Variants in NFYC observed in about 807,000 individuals in gnomAD.
NFYC encodes the protein nuclear transcription factor Y subunit gamma.
A neutral mutation model predicts 53.1 loss-of-function variants in NFYC; 25 were observed. The ratio of observed to expected loss-of-function variants is 0.47; its 90% confidence interval spans 0.34 to 0.66. The LOEUF is 0.66. NFYC is among the 30% of genes least tolerant of loss of function. The pLI, the probability that NFYC is intolerant of heterozygous loss-of-function variation, is 0.01. For missense variants in NFYC, 260 were observed against 422.7 expected (o/e 0.62, Z 3.38); for synonymous variants, 145 against 152.6 (o/e 0.95, Z 0.37).
chr1:40,739,795 G>C (rs1008365291), intron 2 of NFYC, among the ~76,000 whole-genome samples: 1 of 152,180 alleles, frequency 6.6e-6, no homozygotes, highest in Non-Finnish European at 1.5e-5. Flanking sequence ...ATTCTTTCTG[G>C]TTGAGTTTAA....
Position 40,770,312 on chromosome 1 carries a change from T to TG in NFYC, c.889-396dup. On this transcript the variant is annotated intron_variant, in intron 9 of 9. Transcript: ENST00000447388. This position sits in a 1 kb window ranked among gnomAD's most constrained non-coding sequence, Gnocchi z 5.3. Reference sequence around the variant, plus strand: ...GAGGAGGGGGTAATCCTACTGCCCCTGCCAGTGTAGATTACCAAGAGTTGG... The same window carrying TG: ...GAGGAGGGGGTAATCCTACTGCCCCTGGCCAGTGTAGATTACCAAGAGTTGG... 7.7e-7 allele frequency: 1 copy of TG among 1,300,602 alleles called. No homozygotes were observed. The highest frequency in any genetic ancestry group is 2.5e-5 in the East Asian group (1 of 39,430). 80.6% of individuals were successfully genotyped at this position (1,300,602 alleles called of 1,614,324 possible).
chr1:40,737,211 A>G (rs1241028643), intron 1 of NFYC, among the ~76,000 whole-genome samples: 1 of 151,776 alleles, frequency 6.6e-6, no homozygotes, highest in Non-Finnish European at 1.5e-5. Context: ...GGGATACTCA[A>G]CCTGTGTTAT....
chr1:40,720,092 A>T (rs1486660527), intron 1 of NFYC, among the ~76,000 whole-genome samples: 1 of 152,048 alleles, frequency 6.6e-6, no homozygotes, highest in Non-Finnish European at 1.5e-5. Flanking sequence ...AAGTTAAGAG[A>T]TTTATGGTTT....
At position 40,738,915 on chromosome 1, in the gene NFYC, T is replaced by G; in HGVS notation, c.72T>G (p.Pro24=). 1 of 1,613,992 alleles carries G rather than the reference T, an allele frequency of 6.2e-7. No individual in the cohort carries two copies. Among genetic ancestry groups the G allele is most frequent in the Non-Finnish European group, 8.5e-7 (1 of 1,179,854 alleles). Residue 24 remains proline (P), a synonymous_variant, in exon 2 of 10, where the codon CCT becomes CCG. Coordinates refer to ENST00000447388, the MANE Select transcript of NFYC (RefSeq NM_014223.5). The part of the protein sequence containing the change: ...DAQQSLQSFW[P]RVMEEIRNLT... Reference sequence around the variant, plus strand: ...AGCAAAGCCTACAGTCGTTCTGGCCTCGGGTCATGGAAGAAATCCGGAATT... The same window carrying G: ...AGCAAAGCCTACAGTCGTTCTGGCCGCGGGTCATGGAAGAAATCCGGAATT...
chr1:40,730,849 CTAG>C (rs1471292832), intron 1 of NFYC, among the ~76,000 whole-genome samples: 1 of 152,182 alleles, frequency 6.6e-6, no homozygotes, highest in Non-Finnish European at 1.5e-5. Context: ...GATGGTTCAA[CTAG>C]TAGTACAGAG....
At chr1:40,758,098 C>T (rs765106410) in intron 5 of NFYC, 23 bp from the exon 6 acceptor site, 1 of 1,611,430 alleles carries the variant, frequency 6.2e-7, no homozygotes, top group Non-Finnish European at 8.5e-7. Flanking sequence ...TTCCTCTTAC[C>T]TGCCTCTCTT....
chr1:40,726,859 C>T (rs902732417), intron 1 of NFYC, among the ~76,000 whole-genome samples: 1 of 152,212 alleles, frequency 6.6e-6, no homozygotes, highest in Admixed American at 6.5e-5. Flanking sequence ...AGTTTGTCCT[C>T]TCAAATCCTG....
intron 1 of NFYC, among the ~76,000 whole-genome samples, chr1:40,704,651 A>G (rs1643608457): frequency 6.6e-6 from 1 of 152,238 alleles, no homozygotes; most frequent in Non-Finnish European, 1.5e-5. Context: ...GCAAACTGCC[A>G]AGAAGTAATA....
intron 1 of NFYC, among the ~76,000 whole-genome samples, chr1:40,720,269 AT>A (rs1438667484): frequency 1.3e-5 from 2 of 152,206 alleles, no homozygotes; most frequent in Non-Finnish European, 2.9e-5. Flanking sequence ...TCATATTGAC[AT>A]TATTATAACG....
intron 7 of NFYC, among the ~76,000 whole-genome samples, chr1:40,763,933 C>A (rs1288653529): frequency 6.6e-6 from 1 of 152,220 alleles, no homozygotes; most frequent in Non-Finnish European, 1.5e-5. Context: ...GCCATAAATA[C>A]ACTTGTTGCA....
intron 6 of NFYC, among the ~76,000 whole-genome samples, chr1:40,760,090 G>A (rs1214850253): frequency 6.6e-6 from 1 of 152,182 alleles, no homozygotes; most frequent in Non-Finnish European, 1.5e-5. Context: ...CGAGGAGCTG[G>A]GACTCCCAGG....
In NFYC at chr1:40,770,536, C is replaced by T; in HGVS notation, c.889-173C>T. The T allele has an allele frequency of 1.3e-6, 2 of 1,569,604 alleles. No individual in the cohort carries two copies. Among genetic ancestry groups the T allele is most frequent in the South Asian group, 1.2e-5 (1 of 86,154 alleles). ...CCCCCCTCACACCGGGCTGGTGCCT[C>T]CTGTGTCTGCTGCTCCCAACCCCAG... is the stretch of plus-strand genomic sequence containing the variant. On this transcript the variant is annotated intron_variant, in intron 9 of 9. Transcript: ENST00000447388. The surrounding 1 kb of genome is among the most constrained non-coding windows in gnomAD (Gnocchi z 5.3).
intron 2 of NFYC, among the ~76,000 whole-genome samples, chr1:40,741,166 C>A (rs1645322188): frequency 6.6e-6 from 1 of 152,192 alleles, no homozygotes; most frequent in Non-Finnish European, 1.5e-5. Context: ...CCCCTACTTA[C>A]AATGATTCAA....
intron 1 of NFYC, among the ~76,000 whole-genome samples, chr1:40,718,402 C>T (rs1275630860): frequency 6.6e-6 from 1 of 152,206 alleles, no homozygotes; most frequent in South Asian, 2.1e-4. Flanking sequence ...TCTTCGGGGA[C>T]TAATTCTTCC....
At chr1:40,705,159 G>C (rs1643635320) in intron 1 of NFYC, among the ~76,000 whole-genome samples, 1 of 152,248 alleles carries the variant, frequency 6.6e-6, no homozygotes, top group Non-Finnish European at 1.5e-5. Context: ...GGTTAGTACA[G>C]TGTCATATAA....
At chr1:40,738,505 A>G (rs536309214) in intron 1 of NFYC, among the ~76,000 whole-genome samples, 11 of 152,348 alleles carry the variant, frequency 7.2e-5, no homozygotes, top group African/African-American at 2.6e-4. Flanking sequence ...TAGGGCAACA[A>G]AGTACTTTCC....
At chr1:40,732,223 G>A (rs558706051) in intron 1 of NFYC, among the ~76,000 whole-genome samples, 2 of 152,326 alleles carry the variant, frequency 1.3e-5, no homozygotes, top group East Asian at 3.9e-4. Context: ...TTGGTATAGA[G>A]AATGAAGTAC....
At chr1:40,721,392 CAG>C (rs1318098572) in intron 1 of NFYC, among the ~76,000 whole-genome samples, 1 of 152,126 alleles carries the variant, frequency 6.6e-6, no homozygotes, top group Non-Finnish European at 1.5e-5. Flanking sequence ...GAGCTCCAAA[CAG>C]AATCTTTTGC....
At position 40,703,125 on chromosome 1, in the gene NFYC, G is replaced by GT. The variant is rs991690546; in HGVS notation, c.-9+11266dup. ...AGCCACCACGCCTGGCCTATGTTTT[G>GT]TTTTTTTTAAAACTTGAACCGAAAC... is the stretch of plus-strand genomic sequence containing the variant. On this transcript the variant is annotated intron_variant, in intron 1 of 9. Coordinates refer to ENST00000447388, the MANE Select transcript of NFYC (RefSeq NM_014223.5). 6.6e-5 allele frequency among the ~76,000 whole-genome samples: 10 copies of GT among 151,962 alleles called. No homozygotes were observed. The East Asian group carries it at 7.7e-4, about 12-fold the overall frequency.
Sources: allele counts gnomAD v4.1 joint callset (sites outside exome capture counted in the v4.1 genomes callset), GRCh38; gene constraint gnomAD v4.1.1; non-coding constraint Gnocchi (gnomAD v3.1); transcripts MANE v1.5; gene names NCBI Gene and HGNC (gene_info 2026-07-23, HGNC 2026-07-21).